ARHGAP39: variants seen among roughly 807,000 people sequenced by gnomAD.
ARHGAP39 encodes Rho GTPase activating protein 39.
Under a neutral mutation model 106.9 loss-of-function variants are expected in ARHGAP39, and 44 were observed. The observed-to-expected ratio is 0.41, with a 90% CI of 0.32 to 0.53. The LOEUF (loss-of-function observed/expected upper bound fraction) is 0.53, where lower values mean the gene tolerates loss of function less well. Among genes scored for constraint, ARHGAP39 ranks in the 20% least tolerant of loss-of-function variants. The pLI is 0.21. For missense variants in ARHGAP39, 1,496 were observed against 1,577.3 expected, an observed-to-expected ratio of 0.95 and a Z score of 0.87; for synonymous variants, 768 against 693.2, an observed-to-expected ratio of 1.11 and a Z score of -1.69.
In ARHGAP39 at chr8:144,647,205, G is replaced by C. The variant is rs1016104953; in HGVS notation, c.-82+38481C>G. ...GATGGTCTTGATCTCTTGACCTCATGATCCGCGTGCCTCAGCCTCCCAAAC... is the reference window on the plus strand; with the variant it reads ...GATGGTCTTGATCTCTTGACCTCATCATCCGCGTGCCTCAGCCTCCCAAAC... On this transcript the variant is annotated intron_variant, in intron 1 of 11. Coordinates refer to ENST00000377307, the MANE Select transcript of ARHGAP39 (RefSeq NM_025251.3). The surrounding 1 kb of genome is among the most constrained non-coding windows in gnomAD (Gnocchi z 4.8). 6.6e-6 allele frequency among the ~76,000 whole-genome samples: 1 copy of C among 151,908 alleles called. No individual in the cohort carries two copies. Among genetic ancestry groups the C allele is most frequent in the Non-Finnish European group, 1.5e-5 (1 of 67,984 alleles).
Position 144,646,640 on chromosome 8 carries a change from A to G in ARHGAP39, c.-82+39046T>C, listed in dbSNP as rs188946708. On this transcript the variant is annotated intron_variant, in intron 1 of 11. Transcript: ENST00000377307. This position sits in a 1 kb window ranked among gnomAD's most constrained non-coding sequence, Gnocchi z 5.7. The stretch of plus-strand genomic sequence containing the variant: ...GCTCTGCGCCTGGGCTACCTTCATT[A>G]AAAGTGAAGTTCCTTCTCAGAAACC... Among the ~76,000 whole-genome samples the G allele has an allele frequency of 1.3e-5, 2 of 152,294 alleles. No individual in the cohort carries two copies. The highest frequency in any genetic ancestry group is 4.8e-5 in the African/African-American group (2 of 41,572).
intron 1 of ARHGAP39, chr8:144,683,320 TTAAAAA>T (rs1354743945): frequency 4.0e-5 from 6 of 149,278 alleles, no homozygotes; most frequent in Non-Finnish European, 8.9e-5. Flanking sequence ...GTCTCAAAAA[TTAAAAA>T]TAAAAATAAA....
intron 2 of ARHGAP39, among the ~76,000 whole-genome samples, chr8:144,602,334 C>T (rs576625257): frequency 3.0e-4 from 39 of 130,292 alleles, no homozygotes; most frequent in African/African-American, 1.1e-3. Context: ...TGCGTGCGAG[C>T]TCGTGTACCT....
chr8:144,538,416 G>A (rs1017206196), intron 6 of ARHGAP39, among the ~76,000 whole-genome samples: 2 of 152,248 alleles, frequency 1.3e-5, no homozygotes, highest in Non-Finnish European at 2.9e-5. Flanking sequence ...TCTGTAGGAG[G>A]AGTCACTGTG....
At chr8:144,622,051 T>C (rs1402695364) in intron 1 of ARHGAP39, among the ~76,000 whole-genome samples, 2 of 152,050 alleles carry the variant, frequency 1.3e-5, no homozygotes, top group African/African-American at 4.8e-5. Context: ...AAACTTTCAT[T>C]TACCCCACAG....
intron 2 of ARHGAP39, among the ~76,000 whole-genome samples, 168 bp from the exon 3 acceptor site, chr8:144,581,445 C>G (rs1215492520): frequency 1.3e-5 from 2 of 152,214 alleles, no homozygotes; most frequent in Non-Finnish European, 2.9e-5. Context: ...CCTGAGCACC[C>G]GCAACCGGGG....
chr8:144,680,897 T>C (rs1822397914), intron 1 of ARHGAP39, among the ~76,000 whole-genome samples: 1 of 152,188 alleles, frequency 6.6e-6, no homozygotes, highest in South Asian at 2.1e-4. Context: ...AAAACTCAGA[T>C]ATATGATAAT....
chr8:144,687,886 GTGAA>G, upstream of ARHGAP39, among the ~76,000 whole-genome samples: 2 of 141,734 alleles, frequency 1.4e-5, no homozygotes, highest in Non-Finnish European at 3.0e-5. Flanking sequence ...CACATTTACA[GTGAA>G]CACTTCCCAC....
intron 3 of ARHGAP39, among the ~76,000 whole-genome samples, chr8:144,558,018 C>A (rs1191027073): frequency 6.6e-6 from 1 of 152,234 alleles, no homozygotes; most frequent in Non-Finnish European, 1.5e-5. Flanking sequence ...ACCTCACTTA[C>A]GTACCACCTG....
At chr8:144,682,912 G>C (rs1170178587) in intron 1 of ARHGAP39, among the ~76,000 whole-genome samples, 2 of 152,042 alleles carry the variant, frequency 1.3e-5, no homozygotes, top group African/African-American at 4.8e-5. Context: ...AGCTACTTGG[G>C]AGGCTAAGGT....
At position 144,646,693 on chromosome 8, in the gene ARHGAP39, C is replaced by T. The variant is rs1454528241; in HGVS notation, c.-82+38993G>A. On this transcript the variant is annotated intron_variant, in intron 1 of 11. Transcript: ENST00000377307. The surrounding 1 kb of genome is among the most constrained non-coding windows in gnomAD (Gnocchi z 5.7). ...CCTGAAAGCCTTGATTCTCAGAAAA[C>T]AACGCCTCTCTGAGCCAAGGGCATG... 6.6e-6 allele frequency among the ~76,000 whole-genome samples: 1 copy of T among 152,200 alleles called. No homozygotes were observed. The highest frequency in any genetic ancestry group is 2.4e-5 in the African/African-American group (1 of 41,456).
intron 3 of ARHGAP39, among the ~76,000 whole-genome samples, chr8:144,559,042 A>G (rs756344031): frequency 3.9e-5 from 6 of 152,110 alleles, no homozygotes; most frequent in African/African-American, 1.2e-4. Context: ...CCCTGTCTCT[A>G]TTAAAAATAT....
At chr8:144,600,454 T>C (rs1448114321) in intron 2 of ARHGAP39, among the ~76,000 whole-genome samples, 2 of 141,842 alleles carry the variant, frequency 1.4e-5, no homozygotes, top group African/African-American at 5.4e-5. Context: ...GCATGTGCAC[T>C]TGGGTACCTA....
intron 3 of ARHGAP39, among the ~76,000 whole-genome samples, chr8:144,560,395 A>G (rs1245453835): frequency 6.6e-6 from 1 of 152,256 alleles, no homozygotes; most frequent in Non-Finnish European, 1.5e-5. Context: ...GGATCTTGCC[A>G]TTGCACTCCA....
chr8:144,686,025 GC>G (rs1184526755), upstream of ARHGAP39, among the ~76,000 whole-genome samples: 6 of 151,468 alleles, frequency 4.0e-5, no homozygotes, highest in African/African-American at 1.5e-4. Flanking sequence ...GCTGGGAGCC[GC>G]CTGGCCCCGC....
intron 1 of ARHGAP39, among the ~76,000 whole-genome samples, chr8:144,635,485 G>A (rs929372339): frequency 3.3e-5 from 5 of 152,194 alleles, no homozygotes; most frequent in African/African-American, 1.2e-4. Context: ...TGTATCCTTT[G>A]TAATATCCTC....
intron 4 of ARHGAP39, among the ~76,000 whole-genome samples, chr8:144,549,439 C>T (rs1009356312): frequency 1.3e-5 from 2 of 152,118 alleles, no homozygotes; most frequent in African/African-American, 4.8e-5. Context: ...ACCCTGTTTC[C>T]TCTCTCTTCT....
chr8:144,530,364 G>C lies in ARHGAP39; in HGVS notation c.*58C>G, dbSNP rs557280896. On this transcript the variant is annotated 3_prime_UTR_variant, in exon 12 of 12. Transcript: ENST00000377307. The stretch of plus-strand genomic sequence containing the variant: ...TGGCCCCTCTGCCGGGAGAGCGAGT[G>C]CGGAGTTCGGCCTGGCTGGGGGCGG... 182 of 1,509,922 alleles carry C rather than the reference G, an allele frequency of 1.2e-4. No homozygotes were observed. In the Admixed American group the frequency reaches 3.1e-3, roughly 26 times the overall value. 93.5% of individuals were successfully genotyped at this position (1,509,922 alleles called of 1,614,324 possible).
chr8:144,674,866 C>G lies in ARHGAP39; in HGVS notation c.-82+10820G>C, dbSNP rs1365561860. On this transcript the variant is annotated intron_variant, in intron 1 of 11. Transcript: ENST00000377307. ...TACACCTGGCCAGGTTGCAACAGTG[C>G]CTGGGCTCAGCCTCAACTTTGTTCC... is the stretch of plus-strand genomic sequence containing the variant. Among the ~76,000 whole-genome samples the G allele has an allele frequency of 9.8e-5, 15 of 152,348 alleles. No individual in the cohort carries two copies. In the East Asian group the frequency reaches 2.9e-3, roughly 29 times the overall value.
Sources: gnomAD v4.1 joint callset for allele counts (sites outside exome capture counted in the v4.1 genomes callset) on GRCh38, gnomAD v4.1.1 for gene constraint, Gnocchi (gnomAD v3.1) non-coding constraint, MANE v1.5 for transcripts, NCBI Gene and HGNC (gene_info 2026-07-23, HGNC 2026-07-21) for gene names.